Variants in KHDRBS2 observed in about 807,000 individuals in gnomAD.
The protein encoded by KHDRBS2 is KH RNA binding domain containing, signal transduction associated 2.
Under a neutral mutation model 44.3 loss-of-function variants are expected in KHDRBS2, and 26 were observed. That is an observed-to-expected ratio of 0.59 (90% confidence interval 0.43 to 0.81). KHDRBS2 has a LOEUF of 0.81. Among genes scored for constraint, KHDRBS2 ranks in the 40% least tolerant of loss-of-function variants. KHDRBS2 has a pLI of 0.00. For synonymous variants in KHDRBS2, 194 were observed against 151.1 expected (o/e 1.28, Z -2.08); for missense variants, 476 against 433.1 (o/e 1.10, Z -0.88).
chr6:62,189,014 C>T (rs1159237936), intron 1 of KHDRBS2, among the ~76,000 whole-genome samples: 2 of 152,054 alleles, frequency 1.3e-5, no homozygotes, highest in Non-Finnish European at 2.9e-5. Context: ...ACTCAAAGGG[C>T]TGAGGCAGGA....
intron 6 of KHDRBS2, among the ~76,000 whole-genome samples, chr6:61,844,587 C>CA (rs1794091439): frequency 6.6e-6 from 1 of 152,066 alleles, no homozygotes; most frequent in Non-Finnish European, 1.5e-5. Flanking sequence ...ACAGGTAATA[C>CA]AAAATCTCAT....
At chr6:61,579,759 T>C in the KHDRBS2 span, among the ~76,000 whole-genome samples, 2 of 152,046 alleles carry the variant, frequency 1.3e-5, no homozygotes, top group Non-Finnish European at 2.9e-5. Context: ...ACTCCAAAGA[T>C]TGAAATGTGA....
chr6:61,679,415 T>C (rs572444264), downstream of KHDRBS2, among the ~76,000 whole-genome samples: 23 of 152,046 alleles, frequency 1.5e-4, no homozygotes, highest in African/African-American at 4.3e-4. Context: ...GTAGGTTTAC[T>C]TTTTTAACTA....
intron 6 of KHDRBS2, among the ~76,000 whole-genome samples, chr6:61,845,211 C>G (rs1229971328): frequency 6.6e-6 from 1 of 151,914 alleles, no homozygotes; most frequent in African/African-American, 2.4e-5. Context: ...GCTTTTGAAG[C>G]CAAACATATA....
At chr6:61,974,649 G>T (rs565439400) in intron 4 of KHDRBS2, among the ~76,000 whole-genome samples, 2 of 152,102 alleles carry the variant, frequency 1.3e-5, no homozygotes, top group South Asian at 2.1e-4. Flanking sequence ...AGACTATAGT[G>T]TGTCTGGGTG....
chr6:61,730,942 A>G (rs1388319764), intron 7 of KHDRBS2, among the ~76,000 whole-genome samples: 2 of 152,040 alleles, frequency 1.3e-5, no homozygotes, highest in Admixed American at 6.6e-5. Flanking sequence ...GCTCACTTAA[A>G]TCTCACCAGA....
chr6:62,031,068 A>G (rs1784256700), intron 3 of KHDRBS2, among the ~76,000 whole-genome samples: 1 of 152,106 alleles, frequency 6.6e-6, no homozygotes, highest in South Asian at 2.1e-4. Flanking sequence ...CAATACTAGA[A>G]AAAGGATAGA....
At chr6:61,848,506 T>C (rs1208067784) in intron 6 of KHDRBS2, among the ~76,000 whole-genome samples, 35 of 53,826 alleles carry the variant, frequency 6.5e-4, no homozygotes, top group South Asian at 2.5e-3. Flanking sequence ...TATATATATA[T>C]ATATGTATAT....
chr6:61,862,191 G>A (rs1170906326), intron 6 of KHDRBS2, among the ~76,000 whole-genome samples: 9 of 152,044 alleles, frequency 5.9e-5, no homozygotes, highest in Non-Finnish European at 8.8e-5. Context: ...AAGATAGTTT[G>A]ACTTCCTCTT....
chr6:61,656,468 T>C, the KHDRBS2 span, among the ~76,000 whole-genome samples: 1 of 152,026 alleles, frequency 6.6e-6, no homozygotes, highest in Non-Finnish European at 1.5e-5. Flanking sequence ...TTAAGCAGTG[T>C]CTTCTTTAAA....
intron 6 of KHDRBS2, among the ~76,000 whole-genome samples, chr6:61,759,588 A>G (rs2127572017): frequency 6.6e-6 from 1 of 152,292 alleles, no homozygotes; most frequent in East Asian, 1.9e-4. Context: ...CCCAAAGTTA[A>G]CCAGCTCTCT....
chr6:61,624,433 T>A, the KHDRBS2 span, among the ~76,000 whole-genome samples: 1 of 152,202 alleles, frequency 6.6e-6, no homozygotes, highest in African/African-American at 2.4e-5. Context: ...AACCAGGAGA[T>A]CACCCTCACA....
chr6:61,693,576 G>T (rs1388081566), intron 8 of KHDRBS2, among the ~76,000 whole-genome samples: 1 of 152,104 alleles, frequency 6.6e-6, no homozygotes, highest in Non-Finnish European at 1.5e-5. Flanking sequence ...GGTAAAAATT[G>T]CTGCCTAATT....
intron 2 of KHDRBS2, among the ~76,000 whole-genome samples, chr6:62,154,498 G>GA (rs138128237): frequency 0.02 from 3,060 of 151,904 alleles, 73 homozygotes; most frequent in African/African-American, 0.066. Flanking sequence ...TTTATCTATT[G>GA]AAAAAAAGTA....
At chr6:62,073,530 C>CTTTTTTTTTTTTTTTTTTTTTTTTTT (rs60124030) in intron 2 of KHDRBS2, among the ~76,000 whole-genome samples, 2 of 124,414 alleles carry the variant, frequency 1.6e-5, no homozygotes, top group African/African-American at 3.0e-5. Flanking sequence ...TTTCTTTTTT[C>CTTTTTTTTTTTTTTTTTTTTTTTTTT]TTTTTTTTTT....
At chr6:61,644,890 G>A in the KHDRBS2 span, among the ~76,000 whole-genome samples, 1 of 151,904 alleles carries the variant, frequency 6.6e-6, no homozygotes, top group Non-Finnish European at 1.5e-5. Flanking sequence ...ACTGTGGAAA[G>A]CAGTGAAGCA....
intron 4 of KHDRBS2, among the ~76,000 whole-genome samples, chr6:61,929,902 A>G (rs1403666503): frequency 6.6e-6 from 1 of 152,090 alleles, no homozygotes; most frequent in African/African-American, 2.4e-5. Flanking sequence ...AATCACAACT[A>G]TTTTATTTCT....
intron 1 of KHDRBS2, among the ~76,000 whole-genome samples, chr6:62,230,794 T>C (rs1441909122): frequency 6.6e-6 from 1 of 152,220 alleles, no homozygotes; most frequent in East Asian, 1.9e-4. Flanking sequence ...ATGCTGCTAC[T>C]ATCAGGAATT....
chr6:62,098,319 AAGAC>A (rs1173962201), intron 2 of KHDRBS2, among the ~76,000 whole-genome samples: 1 of 149,792 alleles, frequency 6.7e-6, no homozygotes, highest in Admixed American at 6.7e-5. Context: ...AATTTCTTAT[AAGAC>A]AGATCTGGTG....
Sources: gnomAD v4.1 joint callset for allele counts (sites outside exome capture counted in the v4.1 genomes callset) on GRCh38, gnomAD v4.1.1 for gene constraint, MANE v1.5 for transcripts, NCBI Gene and HGNC (gene_info 2026-07-23, HGNC 2026-07-21) for gene names.